The following HSD17B14 variants were observed in gnomAD, a reference collection of about 807,000 sequenced individuals.
The protein encoded by HSD17B14 is L-fucose dehydrogenase.
In HSD17B14, 32 loss-of-function variants were observed where a neutral mutation model predicts 32.2. That is an observed-to-expected ratio of 0.99 (90% CI 0.75 to 1.33). The LOEUF (loss-of-function observed/expected upper bound fraction) is 1.33. HSD17B14 is among the 40% of genes most tolerant of loss of function. The probability of loss-of-function intolerance (pLI) is 0.00; values close to 1 mark genes in which losing one functional copy is unlikely to be tolerated. For missense variants in HSD17B14, 370 were observed against 366.5 expected (o/e 1.01, Z -0.08); for synonymous variants, 140 against 155.4 (o/e 0.90, Z 0.74).
intron 5 of HSD17B14, among the ~76,000 whole-genome samples, chr19:48,829,063 AAAAT>A (rs1303442803): frequency 2.1e-4 from 32 of 152,192 alleles, no homozygotes; most frequent in African/African-American, 7.0e-4. Context: ...TCTGTCTCAA[AAAAT>A]AAATTAATTA....
At chr19:48,813,591 C>G (rs763656800) in intron 7 of HSD17B14, 39 bp from the exon 8 acceptor site, 1 of 1,613,002 alleles carries the variant, frequency 6.2e-7, no homozygotes. Flanking sequence ...CAATCTGTCT[C>G]GAACCACTTG....
rs73587846 is a variant in HSD17B14 at position 48,817,919 on chromosome 19, G to T, written c.370-2778C>A. On this transcript the variant is annotated intron_variant, in intron 5 of 8. Coordinates refer to ENST00000263278, the MANE Select transcript of HSD17B14 (RefSeq NM_016246.3). ...AGGAATGGAGGGATGATTGACGCCCGCAGGGCATCACGTGACACCTGACAG... is the reference window on the plus strand; with the variant it reads ...AGGAATGGAGGGATGATTGACGCCCTCAGGGCATCACGTGACACCTGACAG... 4.0e-3 allele frequency among the ~76,000 whole-genome samples: 602 copies of T among 152,310 alleles called. 4 individuals are homozygous for T. Among genetic ancestry groups the T allele is most frequent in the African/African-American group, 0.014 (571 of 41,566 alleles).
intron 4 of HSD17B14, among the ~76,000 whole-genome samples, chr19:48,832,166 G>C (rs2035350124): frequency 6.6e-6 from 1 of 150,624 alleles, no homozygotes; most frequent in African/African-American, 2.5e-5. Flanking sequence ...GATCATCTGA[G>C]GTCAGGAGTT....
In HSD17B14 at chr19:48,834,293, G is replaced by C; in HGVS notation, c.193C>G (p.Gln65Glu). 6.2e-7 allele frequency: 1 copy of C among 1,613,906 alleles called. No homozygotes were observed. Among genetic ancestry groups the C allele is most frequent in the Non-Finnish European group, 8.5e-7 (1 of 1,179,818 alleles). ...GAVFILCDVT[Q>E]EDDVKTLVSE... is the part of the protein sequence containing the mutation. ...CGGCTTACCTTCACATCATCTTCCT[G>C]AGTCACATCACAGAGGATAAAGACA... The change falls in exon 3 of 9, where the codon CAG (glutamine) becomes GAG (glutamate). Residue 65 changes from glutamine to glutamate, a missense_variant. Transcript: ENST00000263278.
At position 48,830,475 on chromosome 19, in the gene HSD17B14, C is replaced by T. The variant is rs896989587; in HGVS notation, c.369+1193G>A. On this transcript the variant is annotated intron_variant, in intron 5 of 8. Coordinates refer to ENST00000263278, the MANE Select transcript of HSD17B14 (RefSeq NM_016246.3). ...GATTGTTTTAACTAGACTCCCCCCTCCCCTTTCTAAACCAAAGTATAAAAG... is the reference window on the plus strand; with the variant it reads ...GATTGTTTTAACTAGACTCCCCCCTTCCCTTTCTAAACCAAAGTATAAAAG... 4.6e-5 allele frequency among the ~76,000 whole-genome samples: 7 copies of T among 151,660 alleles called. No homozygotes were observed. In the East Asian group the frequency reaches 1.4e-3, roughly 29 times the overall value.
Position 48,835,845 on chromosome 19 carries a change from T to A in HSD17B14, c.89-2A>T, listed in dbSNP as rs759386197. On this transcript the variant is annotated splice_acceptor_variant, in intron 1 of 8. Transcript: ENST00000263278. LOFTEE classifies it high-confidence loss of function. ...TAACCACTCGGGCCCCGCTGTTCAC[T>A]GAGAATAGGAAGGGAACAGGTTACT... 1 of 1,613,428 alleles carries A rather than the reference T, an allele frequency of 6.2e-7. No individual in the cohort carries two copies. Among genetic ancestry groups the A allele is most frequent in the Non-Finnish European group, 8.5e-7 (1 of 1,179,594 alleles).
At chr19:48,832,914 C>T (rs551414990) in intron 3 of HSD17B14, among the ~76,000 whole-genome samples, 182 bp from the exon 4 acceptor site, 27 of 151,720 alleles carry the variant, frequency 1.8e-4, no homozygotes, top group South Asian at 1.3e-3. Context: ...CCACCACGCC[C>T]GGCTAATTTT....
intron 5 of HSD17B14, among the ~76,000 whole-genome samples, chr19:48,822,083 TG>T (rs547200580): frequency 4.1e-4 from 62 of 151,250 alleles, no homozygotes; most frequent in African/African-American, 1.4e-3. Flanking sequence ...ACAATGGTGA[TG>T]GTGATGATGG....
intron 4 of HSD17B14, 35 bp downstream of exon 4, chr19:48,832,631 G>C (rs1414576793): frequency 1.3e-6 from 2 of 1,580,696 alleles, no homozygotes; most frequent in East Asian, 2.2e-5. Context: ...TGGGGGGCAG[G>C]AGGTGGAGAA....
intron 5 of HSD17B14, among the ~76,000 whole-genome samples, chr19:48,830,668 C>T (rs1007338786): frequency 2.0e-5 from 3 of 152,034 alleles, no homozygotes; most frequent in South Asian, 2.1e-4. Flanking sequence ...GTACCTGAGG[C>T]GCACCACCAT....
At chr19:48,819,370 G>A (rs955722166) in intron 5 of HSD17B14, among the ~76,000 whole-genome samples, 55 of 152,106 alleles carry the variant, frequency 3.6e-4, no homozygotes, top group African/African-American at 1.3e-3. Flanking sequence ...ACAGGAGCCA[G>A]AGCCTATGAT....
At position 48,835,824 on chromosome 19, in the gene HSD17B14, C is replaced by A; in HGVS notation, c.108G>T (p.Val36=). ...ACTCACCATCCTTGTCGCAGATAAC[C>A]ACTCGGGCCCCGCTGTTCACTGAGA... ...VRAFVNSGAR[V]VICDKDESGG... is the part of the protein sequence containing the mutation. The change falls in exon 2 of 9, where the codon GTG becomes GTT. Residue 36 remains valine (V), a synonymous_variant. Coordinates refer to ENST00000263278, the MANE Select transcript of HSD17B14 (RefSeq NM_016246.3). 6.2e-7 allele frequency: 1 copy of A among 1,613,648 alleles called. No individual in the cohort carries two copies. The highest frequency in any genetic ancestry group is 1.1e-5 in the South Asian group (1 of 91,074).
At chr19:48,824,856 A>C (rs1281371045) in intron 5 of HSD17B14, among the ~76,000 whole-genome samples, 1 of 152,148 alleles carries the variant, frequency 6.6e-6, no homozygotes, top group Admixed American at 6.6e-5. Context: ...TATTCTAGGA[A>C]TATTTTGTAA....
In HSD17B14 at chr19:48,834,487, CTGAGGTCTGGACTCCTGGGTCT is replaced by C. The variant is rs1568526118; in HGVS notation, c.128-151_128-130del. 138 of 477,530 alleles carry C rather than the reference CTGAGGTCTGGACTCCTGGGTCT, an allele frequency of 2.9e-4. 2 individuals carry two copies. Among genetic ancestry groups the C allele is most frequent in the Non-Finnish European group, 4.2e-4 (119 of 283,590 alleles). 29.6% of individuals were successfully genotyped at this position (477,530 alleles called of 1,614,324 possible). A position where few individuals can be genotyped will look rare whatever the true frequency, so the allele number is the denominator to read the frequency against. ...ACTCCTGGGTCTGAGGGAGGAGGGG[CTGAGGTCTGGACTCCTGGGTCT>C]GAGGAAGTAGGGCCTGGGGGCCTGG... On this transcript the variant is annotated intron_variant, in intron 2 of 8. Coordinates refer to ENST00000263278, the MANE Select transcript of HSD17B14 (RefSeq NM_016246.3).
chr19:48,834,515 A>G (rs1458166980), intron 2 of HSD17B14, among the ~76,000 whole-genome samples, 157 bp from the exon 3 acceptor site: 13 of 96,100 alleles, frequency 1.4e-4, no homozygotes, highest in Non-Finnish European at 2.2e-4. Flanking sequence ...GGTCTGAGGA[A>G]GTAGGGCCTG....
chr19:48,814,223 GA>G (rs201075059), intron 6 of HSD17B14, among the ~76,000 whole-genome samples: 1 of 145,556 alleles, frequency 6.9e-6, no homozygotes, highest in East Asian at 2.1e-4. Flanking sequence ...GAAAAGAAAA[GA>G]AAAAAAGAAA....
chr19:48,832,668 T>A lies in HSD17B14; in HGVS notation c.275A>T (p.His92Leu). 8 of 1,612,510 alleles carry A rather than the reference T, an allele frequency of 5.0e-6. No homozygotes were observed. Among genetic ancestry groups the A allele is most frequent in the Non-Finnish European group, 6.8e-6 (8 of 1,179,592 alleles). Residue 92 changes from histidine to leucine, a missense_variant and splice_region_variant, in exon 4 of 9, where the codon CAC becomes CTC. By Grantham distance (99) the His-to-Leu change is moderately conservative. Transcript: ENST00000263278. ...RLDCVVNNAG[H>L]HPPPQRPEET... ...GGCCCTGGGGTCTCACAACTCACGG[T>A]GGCCAGCGTTGTTGACAACACAATC...
intron 2 of HSD17B14, among the ~76,000 whole-genome samples, 153 bp from the exon 3 acceptor site, chr19:48,834,511 A>AG (rs377241398): frequency 0.011 from 985 of 92,364 alleles, 6 homozygotes; most frequent in South Asian, 0.018. Context: ...CCTGGGTCTG[A>AG]GGAAGTAGGG....
At chr19:48,836,181 C>T in intron 1 of HSD17B14, 143 bp downstream of exon 1, 2 of 851,188 alleles carry the variant, frequency 2.3e-6, no homozygotes, top group South Asian at 1.6e-5. Context: ...CAGCGCCACA[C>T]GCTTACTTTA....
Sources: allele counts gnomAD v4.1 joint callset (sites outside exome capture counted in the v4.1 genomes callset), GRCh38; gene constraint gnomAD v4.1.1; transcripts MANE v1.5; gene names NCBI Gene and HGNC (gene_info 2026-07-23, HGNC 2026-07-21).